CACHD1: variants seen among roughly 807,000 people sequenced by gnomAD.
The protein encoded by CACHD1 is cache domain containing 1.
A neutral mutation model predicts 138.7 loss-of-function variants in CACHD1; 71 were observed. The ratio of observed to expected loss-of-function variants is 0.51; its 90% CI spans 0.42 to 0.62. CACHD1 has a LOEUF of 0.62. CACHD1 is among the 20% of genes least tolerant of loss of function. CACHD1 has a pLI of 0.00. For synonymous variants in CACHD1, 578 were observed against 591.5 expected, an observed-to-expected ratio of 0.98 and a Z score of 0.33; for missense variants, 1,389 against 1,625.3, an observed-to-expected ratio of 0.85 and a Z score of 2.50.
intron 1 of CACHD1, 55 bp from the exon 2 acceptor site, chr1:64,550,539 C>A: frequency 8.1e-7 from 1 of 1,231,638 alleles, no homozygotes; most frequent in Non-Finnish European, 1.2e-6. Flanking sequence ...CATACACACT[C>A]ATGTAGAAAA....
intron 1 of CACHD1, among the ~76,000 whole-genome samples, chr1:64,479,618 G>T (rs929429048): frequency 7.2e-5 from 11 of 152,154 alleles, no homozygotes; most frequent in Non-Finnish European, 1.0e-4. Flanking sequence ...GTAAAGACTT[G>T]TTCTGCGGGC....
At chr1:64,590,569 G>A (rs74080444) in intron 3 of CACHD1, among the ~76,000 whole-genome samples, 1,916 of 152,240 alleles carry the variant, frequency 0.013, 48 homozygotes, top group African/African-American at 0.044. Context: ...GACCCATAAT[G>A]TTCAGATTCC....
Position 64,654,698 on chromosome 1 carries a change from C to G in CACHD1, c.1677C>G (p.Gly559=), listed in dbSNP as rs1284796248. ...TTTGCCAACACAGCCTCCCTCTGGG[C>G]AGCCAGATTATCGCAGTCCCTGTGA... ...VRQNILSLPL[G]SQIIAVPVNS... is the part of the protein sequence containing the mutation. The change falls in exon 12 of 27, where the codon GGC becomes GGG. Residue 559 remains glycine, a synonymous_variant. Coordinates refer to ENST00000651257, the MANE Select transcript of CACHD1 (RefSeq NM_020925.4). 2 of 1,612,502 alleles carry G rather than the reference C, an allele frequency of 1.2e-6. No homozygotes were observed. The highest frequency in any genetic ancestry group is 1.3e-5 in the African/African-American group (1 of 74,848).
chr1:64,638,420 A>G (rs1648594427), intron 7 of CACHD1, among the ~76,000 whole-genome samples: 1 of 152,212 alleles, frequency 6.6e-6, no homozygotes, highest in African/African-American at 2.4e-5. Flanking sequence ...GTCATAAATC[A>G]TTGTTGGTTG....
intron 12 of CACHD1, among the ~76,000 whole-genome samples, chr1:64,657,081 C>T (rs1267363909): frequency 1.3e-5 from 2 of 152,018 alleles, no homozygotes. Context: ...ACTGTGTAAC[C>T]CAAGTGCATT....
chr1:64,664,720 A>C (rs1397164255), intron 15 of CACHD1, 41 bp downstream of exon 15: 4 of 1,581,660 alleles, frequency 2.5e-6, no homozygotes, highest in Admixed American at 1.7e-5. Flanking sequence ...TTCTCCCCCA[A>C]ATCCTGGAGA....
intron 8 of CACHD1, among the ~76,000 whole-genome samples, chr1:64,646,444 A>C (rs893722364): frequency 7.2e-5 from 11 of 152,120 alleles, no homozygotes; most frequent in African/African-American, 2.7e-4. Flanking sequence ...GAAAGAAATG[A>C]TTTGCCAGGC....
chr1:64,656,809 G>A (rs978234059), intron 12 of CACHD1, among the ~76,000 whole-genome samples: 2 of 151,784 alleles, frequency 1.3e-5, no homozygotes, highest in Non-Finnish European at 2.9e-5. Flanking sequence ...AAAAAGGCTA[G>A]GCTGGTTACC....
intron 1 of CACHD1, among the ~76,000 whole-genome samples, chr1:64,526,286 C>T (rs1646537962): frequency 6.6e-6 from 1 of 152,174 alleles, no homozygotes; most frequent in Admixed American, 6.5e-5. Flanking sequence ...GATGGTTTCT[C>T]TTCTCTGTGG....
chr1:64,582,854 A>G (rs1647023313), intron 3 of CACHD1, among the ~76,000 whole-genome samples: 1 of 152,130 alleles, frequency 6.6e-6, no homozygotes, highest in African/African-American at 2.4e-5. Flanking sequence ...TGGAAATTGT[A>G]GTGGAAAGAA....
At chr1:64,505,670 C>T (rs1205519269) in intron 1 of CACHD1, among the ~76,000 whole-genome samples, 2 of 143,724 alleles carry the variant, frequency 1.4e-5, no homozygotes, top group Admixed American at 1.4e-4. Context: ...CTTCCCCCTC[C>T]CTGGGCGCAC....
chr1:64,526,280 G>A (rs1255301956), intron 1 of CACHD1, among the ~76,000 whole-genome samples: 1 of 152,150 alleles, frequency 6.6e-6, no homozygotes. Context: ...GTTATGGATG[G>A]TTTCTCTTCT....
In CACHD1 at chr1:64,487,270, G is replaced by A. The variant is rs72673309; in HGVS notation, c.198+16328G>A. Among the ~76,000 whole-genome samples, 517 of 152,244 alleles carry A rather than the reference G, an allele frequency of 3.4e-3. 5 individuals are homozygous for A. Among genetic ancestry groups the A allele is most frequent in the Admixed American group, 6.3e-3 (97 of 15,284 alleles). ...TGGCTCTGTCACCCCCTGGCTGTCA[G>A]TTTATCCTCAGGCTGGTTTTGCCTG... is the stretch of plus-strand genomic sequence containing the variant. On this transcript the variant is annotated intron_variant, in intron 1 of 26. Transcript: ENST00000651257.
intron 7 of CACHD1, among the ~76,000 whole-genome samples, chr1:64,640,033 T>G (rs1417172124): frequency 6.6e-6 from 1 of 152,248 alleles, no homozygotes; most frequent in African/African-American, 2.4e-5. Flanking sequence ...TCCATAGGAC[T>G]GCTTACAGCC....
At chr1:64,515,794 T>C (rs1646454409) in intron 1 of CACHD1, among the ~76,000 whole-genome samples, 1 of 152,196 alleles carries the variant, frequency 6.6e-6, no homozygotes, top group Admixed American at 6.5e-5. Flanking sequence ...ACTAACATGC[T>C]AATCTTTCTA....
chr1:64,641,168 T>C (rs1228248548), intron 7 of CACHD1, among the ~76,000 whole-genome samples: 1 of 152,202 alleles, frequency 6.6e-6, no homozygotes, highest in Non-Finnish European at 1.5e-5. Context: ...GTCCTGTCAT[T>C]ACTCCCATTT....
intron 2 of CACHD1, among the ~76,000 whole-genome samples, chr1:64,566,864 A>G (rs942885868): frequency 7.2e-5 from 11 of 152,126 alleles, no homozygotes; most frequent in African/African-American, 1.2e-4. Flanking sequence ...GAGCTAATAG[A>G]TAATATATTC....
chr1:64,563,989 C>T (rs1646861840), intron 2 of CACHD1: 1 of 152,078 alleles, frequency 6.6e-6, no homozygotes, highest in Admixed American at 6.5e-5. Context: ...GATATAATGT[C>T]AATATAAGGA....
chr1:64,685,008 C>T (rs982788716), intron 26 of CACHD1, among the ~76,000 whole-genome samples: 2 of 152,092 alleles, frequency 1.3e-5, no homozygotes, highest in Non-Finnish European at 2.9e-5. Context: ...TGGGTTTTTC[C>T]ATGTTGGTCA....
Sources: gnomAD v4.1 joint callset for allele counts (sites outside exome capture counted in the v4.1 genomes callset) on GRCh38, gnomAD v4.1.1 for gene constraint, MANE v1.5 for transcripts, NCBI Gene and HGNC (gene_info 2026-07-23, HGNC 2026-07-21) for gene names.